The following ZNF385B variants were observed in gnomAD, a reference collection of about 807,000 sequenced individuals.
ZNF385B encodes zinc finger protein 385B, also known as zinc finger protein 533.
A neutral mutation model predicts 39.2 loss-of-function variants in ZNF385B; 23 were observed. The observed-to-expected ratio is 0.59, with a 90% confidence interval of 0.42 to 0.83. The LOEUF (loss-of-function observed/expected upper bound fraction) is 0.83, where lower values mean the gene tolerates loss of function less well. Among genes scored for constraint, ZNF385B ranks in the 40% least tolerant of loss-of-function variants. ZNF385B has a pLI of 0.00. For missense variants in ZNF385B, 552 were observed against 598.9 expected (o/e 0.92, Z 0.82); for synonymous variants, 205 against 222.6 (o/e 0.92, Z 0.70).
At chr2:179,457,614 T>C (rs997846380) in intron 6 of ZNF385B, among the ~76,000 whole-genome samples, 1 of 152,220 alleles carries the variant, frequency 6.6e-6, no homozygotes, top group African/African-American at 2.4e-5. Context: ...GGTTTTAATT[T>C]GTATTTCCCC....
At position 179,608,375 on chromosome 2, in the gene ZNF385B, T is replaced by A. The variant is rs562987359; in HGVS notation, c.299-63406A>T. Reference sequence around the variant, plus strand: ...AGAAAGCAGGATTCAGGAGAAAGAGTTTGGTGGAAATCTTCCTTGCCAACT... The same window carrying A: ...AGAAAGCAGGATTCAGGAGAAAGAGATTGGTGGAAATCTTCCTTGCCAACT... On this transcript the variant is annotated intron_variant, in intron 3 of 9. Coordinates refer to ENST00000410066, the MANE Select transcript of ZNF385B (RefSeq NM_152520.6). 2.0e-5 allele frequency among the ~76,000 whole-genome samples: 3 copies of A among 152,134 alleles called. No homozygotes were observed. The South Asian group carries it at 6.2e-4, about 32-fold the overall frequency.
intron 3 of ZNF385B, among the ~76,000 whole-genome samples, chr2:179,638,444 C>A (rs1002892462): frequency 6.6e-6 from 1 of 152,116 alleles, no homozygotes; most frequent in African/African-American, 2.4e-5. Flanking sequence ...AAATCTGAAA[C>A]TATTTCGTGT....
chr2:179,771,185 T>C (rs1248928071), intron 1 of ZNF385B, among the ~76,000 whole-genome samples: 1 of 152,118 alleles, frequency 6.6e-6, no homozygotes, highest in Non-Finnish European at 1.5e-5. Context: ...ATGCAAGGTA[T>C]TGGCTTTCAA....
intron 6 of ZNF385B, among the ~76,000 whole-genome samples, chr2:179,481,705 G>A (rs1044727071): frequency 6.6e-6 from 1 of 152,056 alleles, no homozygotes; most frequent in Non-Finnish European, 1.5e-5. Context: ...TTTGCTGGAA[G>A]GTAAAGAGCA....
chr2:179,706,288 C>A (rs1312096434), intron 3 of ZNF385B, among the ~76,000 whole-genome samples: 1 of 152,128 alleles, frequency 6.6e-6, no homozygotes, highest in Non-Finnish European at 1.5e-5. Context: ...TATAAACTTG[C>A]ATGTTTTTTA....
intron 1 of ZNF385B, among the ~76,000 whole-genome samples, chr2:179,788,925 T>C (rs934674026): frequency 2.0e-5 from 3 of 152,194 alleles, no homozygotes; most frequent in African/African-American, 7.2e-5. Flanking sequence ...AAGAGCCTGA[T>C]GAAAAGCTGA....
chr2:179,776,948 A>G (rs73048517), intron 1 of ZNF385B, among the ~76,000 whole-genome samples: 12,403 of 152,086 alleles, frequency 0.082, 598 homozygotes, highest in Non-Finnish European at 0.11. Flanking sequence ...TGTAGATCCA[A>G]AGCCAATCAG....
chr2:179,755,883 T>A (rs1305669981), intron 3 of ZNF385B, among the ~76,000 whole-genome samples: 2 of 152,236 alleles, frequency 1.3e-5, no homozygotes, highest in Non-Finnish European at 2.9e-5. Flanking sequence ...TGAATCTTTA[T>A]CCAATTTGCT....
Position 179,443,266 on chromosome 2 carries a change from AG to A in ZNF385B, c.1444del (p.Leu482SerfsTer14). ...GPIRATPASI[L>X]FAPY Reference sequence around the variant, plus strand: ...TTGCAGACGTTAGTACGGAGCAAAGAGGATGGAGGCAGGAGTGGCGCGGATG... The same window carrying A: ...TTGCAGACGTTAGTACGGAGCAAAGAGATGGAGGCAGGAGTGGCGCGGATG... On this transcript the variant is annotated frameshift_variant, in exon 10 of 10. Coordinates refer to ENST00000410066, the MANE Select transcript of ZNF385B (RefSeq NM_152520.6). LOFTEE classifies it high-confidence loss of function. 1 of 1,612,438 alleles carries A rather than the reference AG, an allele frequency of 6.2e-7. No homozygotes were observed. Among genetic ancestry groups the A allele is most frequent in the Non-Finnish European group, 8.5e-7 (1 of 1,180,020 alleles).
chr2:179,545,073 AAG>A (rs2060146182), intron 3 of ZNF385B, 104 bp from the exon 4 acceptor site: 9 of 1,448,980 alleles, frequency 6.2e-6, no homozygotes, highest in Non-Finnish European at 8.6e-6. Context: ...ACTTGCAAGC[AAG>A]AGAGTTATGC....
chr2:179,533,092 T>A (rs1160107611), intron 4 of ZNF385B, among the ~76,000 whole-genome samples: 1 of 152,228 alleles, frequency 6.6e-6, no homozygotes, highest in Admixed American at 6.5e-5. Flanking sequence ...CCCAGATGCA[T>A]AGCTTCAAAG....
At chr2:179,655,305 T>C (rs888606222) in intron 3 of ZNF385B, among the ~76,000 whole-genome samples, 3 of 152,066 alleles carry the variant, frequency 2.0e-5, no homozygotes, top group African/African-American at 7.2e-5. Context: ...AGTGAAAACA[T>C]TGTGGAGGAG....
rs1365413987 is a variant in ZNF385B, at chr2:179,553,502, C to T, written c.299-8533G>A. Among the ~76,000 whole-genome samples the T allele has an allele frequency of 4.7e-5, 7 of 148,598 alleles. 1 individual carries two copies. Among genetic ancestry groups the T allele is most frequent in the East Asian group, 3.9e-4 (2 of 5,184 alleles). On this transcript the variant is annotated intron_variant, in intron 3 of 9. Transcript: ENST00000410066. ...GTAACGTGCTAAGTGATTTATGTCC[C>T]TTATTCTTATTAAATTATAATGCAA...
At chr2:179,539,615 A>C (rs1353564916) in intron 4 of ZNF385B, among the ~76,000 whole-genome samples, 1 of 152,200 alleles carries the variant, frequency 6.6e-6, no homozygotes, top group Non-Finnish European at 1.5e-5. Flanking sequence ...TCCACAATAA[A>C]GGAAATAGGA....
chr2:179,617,647 C>G lies in ZNF385B; in HGVS notation c.299-72678G>C, dbSNP rs1352034094. Among the ~76,000 whole-genome samples, 4 of 152,064 alleles carry G rather than the reference C, an allele frequency of 2.6e-5. No homozygotes were observed. In the East Asian group the frequency reaches 7.7e-4, roughly 29 times the overall value. On this transcript the variant is annotated intron_variant, in intron 3 of 9. Coordinates refer to ENST00000410066, the MANE Select transcript of ZNF385B (RefSeq NM_152520.6). ...GCCTAGGAGGAGGCCTGAAAACTGG[C>G]CTTTCTTACAAGTCCTCATGTGGTA...
chr2:179,735,896 G>A (rs185606114), intron 3 of ZNF385B, among the ~76,000 whole-genome samples: 4 of 112,912 alleles, frequency 3.5e-5, no homozygotes, highest in Non-Finnish European at 5.2e-5. Context: ...GTGGGGGGAG[G>A]GGGGAGGGAT....
chr2:179,478,950 G>C (rs923409376), intron 6 of ZNF385B, among the ~76,000 whole-genome samples: 7 of 152,142 alleles, frequency 4.6e-5, no homozygotes, highest in Admixed American at 6.5e-5. Flanking sequence ...AATTTGGGTA[G>C]AGTGTCTGGC....
intron 3 of ZNF385B, among the ~76,000 whole-genome samples, chr2:179,740,538 C>A (rs1400338050): frequency 6.6e-6 from 1 of 152,122 alleles, no homozygotes; most frequent in Non-Finnish European, 1.5e-5. Context: ...CCTTTCAGCA[C>A]CTTTTCCAAA....
At chr2:179,754,743 T>C (rs902562476) in intron 3 of ZNF385B, among the ~76,000 whole-genome samples, 5 of 152,220 alleles carry the variant, frequency 3.3e-5, no homozygotes, top group African/African-American at 1.2e-4. Flanking sequence ...TATTCTCTGA[T>C]GGTAGTTTGT....
Sources: allele counts gnomAD v4.1 joint callset (sites outside exome capture counted in the v4.1 genomes callset), GRCh38; gene constraint gnomAD v4.1.1; transcripts MANE v1.5; gene names NCBI Gene and HGNC (gene_info 2026-07-23, HGNC 2026-07-21).